EPHA6: variants seen among roughly 807,000 people sequenced by gnomAD.
The protein encoded by EPHA6 is EPH receptor A6.
EPHA6 carries 50 observed loss-of-function variants against 112.0 expected under a neutral mutation model. The ratio of observed to expected loss-of-function variants is 0.45; its 90% CI spans 0.36 to 0.56. The LOEUF is 0.56. Ranked by LOEUF, EPHA6 falls within the 20% of genes least tolerant of loss-of-function variation. The pLI, the probability that EPHA6 is intolerant of heterozygous loss-of-function variation, is 0.00. For missense variants in EPHA6, 1,280 were observed against 1,417.4 expected (o/e 0.90, Z 1.56); for synonymous variants, 529 against 490.7 (o/e 1.08, Z -1.03).
chr3:97,018,623 T>C (rs1480031922), intron 3 of EPHA6, among the ~76,000 whole-genome samples: 1 of 152,216 alleles, frequency 6.6e-6, no homozygotes, highest in Non-Finnish European at 1.5e-5. Context: ...ACTAATTTGC[T>C]ACTGCTATCT....
intron 3 of EPHA6, among the ~76,000 whole-genome samples, chr3:97,197,803 T>C (rs1456570190): frequency 6.6e-6 from 1 of 152,008 alleles, no homozygotes; most frequent in South Asian, 2.1e-4. Flanking sequence ...TAGAACCCCA[T>C]AGCATTTTAG....
At chr3:97,701,447 AATTGGAGTGC>A (rs2033383357) in intron 14 of EPHA6, among the ~76,000 whole-genome samples, 1 of 152,132 alleles carries the variant, frequency 6.6e-6, no homozygotes, top group Non-Finnish European at 1.5e-5. Context: ...AAGTTTCCTG[AATTGGAGTGC>A]ATTAACAGTT....
chr3:97,129,006 T>C (rs1225048302), intron 3 of EPHA6, among the ~76,000 whole-genome samples: 1 of 151,556 alleles, frequency 6.6e-6, no homozygotes, highest in East Asian at 2.0e-4. Flanking sequence ...CCCAAATAGC[T>C]GGGACTACAG....
chr3:97,649,370 G>C (rs528192246), intron 14 of EPHA6, among the ~76,000 whole-genome samples: 9 of 152,014 alleles, frequency 5.9e-5, no homozygotes, highest in Admixed American at 5.9e-4. Context: ...CCCTTGACAC[G>C]TGGGGATTAT....
intron 5 of EPHA6, among the ~76,000 whole-genome samples, chr3:97,334,836 A>C (rs1032217065): frequency 6.6e-6 from 1 of 152,002 alleles, no homozygotes; most frequent in Non-Finnish European, 1.5e-5. Flanking sequence ...TGATTTCTCT[A>C]CTGTTTTTCA....
intron 2 of EPHA6, among the ~76,000 whole-genome samples, chr3:96,974,547 TATAGA>T (rs2042446494): frequency 6.6e-6 from 1 of 151,538 alleles, no homozygotes; most frequent in Admixed American, 6.6e-5. Context: ...AACTCACCAA[TATAGA>T]AAGTAGAAAA....
chr3:97,227,794 T>G (rs1162358877), intron 4 of EPHA6, among the ~76,000 whole-genome samples: 1 of 152,214 alleles, frequency 6.6e-6, no homozygotes, highest in Admixed American at 6.5e-5. Flanking sequence ...GGGTGGAGTT[T>G]TCAGCCCTCT....
At chr3:97,442,657 T>G (rs1302492617) in intron 6 of EPHA6, among the ~76,000 whole-genome samples, 2 of 152,124 alleles carry the variant, frequency 1.3e-5, no homozygotes, top group Non-Finnish European at 2.9e-5. Flanking sequence ...AGAACAAATA[T>G]ATTTATGTTT....
At chr3:97,012,477 C>T (rs2044120984) in intron 3 of EPHA6, among the ~76,000 whole-genome samples, 1 of 150,022 alleles carries the variant, frequency 6.7e-6, no homozygotes, top group Non-Finnish European at 1.5e-5. Flanking sequence ...GTGTGTGCCA[C>T]CTGCCCAACT....
intron 3 of EPHA6, among the ~76,000 whole-genome samples, chr3:97,047,666 C>CTAATATTTGTAAAATAT (rs56792857): frequency 5.9e-4 from 89 of 150,186 alleles, no homozygotes; most frequent in African/African-American, 1.8e-3. Context: ...TGCTTGAAAT[C>CTAATATTTGTAAAATAT]TAATATTTGT....
intron 12 of EPHA6, among the ~76,000 whole-genome samples, chr3:97,594,813 G>A (rs1455282115): frequency 6.6e-6 from 1 of 152,092 alleles, no homozygotes; most frequent in Non-Finnish European, 1.5e-5. Flanking sequence ...TTTCTCCCAT[G>A]GCCCATACTA....
At chr3:97,054,962 C>T (rs1404470250) in intron 3 of EPHA6, among the ~76,000 whole-genome samples, 2 of 152,002 alleles carry the variant, frequency 1.3e-5, no homozygotes, top group Non-Finnish European at 2.9e-5. Context: ...AAAATTTCCC[C>T]CCTTTGGGAA....
At chr3:97,114,973 T>C (rs917882471) in intron 3 of EPHA6, among the ~76,000 whole-genome samples, 3 of 152,016 alleles carry the variant, frequency 2.0e-5, no homozygotes, top group African/African-American at 7.2e-5. Flanking sequence ...GAGTCATATT[T>C]GAGCAGATCC....
At chr3:97,165,301 C>G (rs2076514424) in intron 3 of EPHA6, among the ~76,000 whole-genome samples, 1 of 152,058 alleles carries the variant, frequency 6.6e-6, no homozygotes, top group Non-Finnish European at 1.5e-5. Flanking sequence ...CTCTTAAATT[C>G]CACTTCAGGG....
intron 14 of EPHA6, among the ~76,000 whole-genome samples, chr3:97,710,276 G>A (rs556515295): frequency 1.3e-5 from 2 of 152,272 alleles, no homozygotes; most frequent in South Asian, 4.1e-4. Flanking sequence ...CTCTAAAGAT[G>A]TCATTCTTCA....
intron 3 of EPHA6, among the ~76,000 whole-genome samples, chr3:97,058,466 T>A (rs1430698097): frequency 6.6e-6 from 1 of 152,104 alleles, no homozygotes; most frequent in East Asian, 1.9e-4. Flanking sequence ...CGGCCCCAGC[T>A]AATTTTTGTA....
At chr3:96,963,656 A>T (rs1553675347) in intron 2 of EPHA6, among the ~76,000 whole-genome samples, 4 of 152,176 alleles carry the variant, frequency 2.6e-5, no homozygotes. Flanking sequence ...TCTGTCATGC[A>T]GTGGAGCTCT....
At chr3:97,526,661 G>T (rs1333185900) in intron 10 of EPHA6, among the ~76,000 whole-genome samples, 1 of 152,248 alleles carries the variant, frequency 6.6e-6, no homozygotes, top group South Asian at 2.1e-4. Context: ...CTTCAGGGCT[G>T]TGACAGAAGG....
intron 14 of EPHA6, among the ~76,000 whole-genome samples, chr3:97,668,337 A>G (rs955234521): frequency 9.9e-5 from 15 of 152,162 alleles, no homozygotes; most frequent in African/African-American, 3.6e-4. Context: ...ATCTTGCCTG[A>G]AAAAGCGTCA....
Sources: allele counts gnomAD v4.1 joint callset (sites outside exome capture counted in the v4.1 genomes callset), GRCh38; gene constraint gnomAD v4.1.1; transcripts MANE v1.5; gene names NCBI Gene and HGNC (gene_info 2026-07-23, HGNC 2026-07-21).